Variants in ZDHHC1 observed in about 807,000 individuals in gnomAD.
The protein encoded by ZDHHC1 is zDHHC palmitoyltransferase 1.
Under a neutral mutation model 46.9 loss-of-function variants are expected in ZDHHC1, and 45 were observed. The ratio of observed to expected loss-of-function variants is 0.96; its 90% CI spans 0.76 to 1.23. ZDHHC1 has a LOEUF of 1.23. ZDHHC1 is among the 50% of genes most tolerant of loss of function. ZDHHC1 has a pLI of 0.00. For missense variants in ZDHHC1, 649 were observed against 670.8 expected, an observed-to-expected ratio of 0.97 and a Z score of 0.36; for synonymous variants, 291 against 286.0, an observed-to-expected ratio of 1.02 and a Z score of -0.18.
intron 8 of ZDHHC1, 63 bp from the exon 9 acceptor site, chr16:67,395,629 C>T: frequency 6.7e-7 from 1 of 1,491,170 alleles, no homozygotes; most frequent in Non-Finnish European, 9.1e-7. Context: ...CTGCTGAGCC[C>T]TAAGCCCACG....
In ZDHHC1 at chr16:67,395,426, G is replaced by A. The variant is rs564837985; in HGVS notation, c.1010+58C>T. The A allele has an allele frequency of 5.5e-5, 85 of 1,546,794 alleles. 2 individuals are homozygous for A. In the Middle Eastern group the frequency reaches 1.5e-3, roughly 28 times the overall value. On this transcript the variant is annotated intron_variant, in intron 9 of 11. Transcript: ENST00000565726. ...TTAGCCTACCCCCTTCTCCTGCCTC[G>A]ATGGCCCTGCCATGCTAACTGGAGA...
intron 1 of ZDHHC1, 133 bp downstream of exon 1, chr16:67,416,038 C>T (rs1157606037): frequency 6.6e-6 from 1 of 152,276 alleles, no homozygotes; most frequent in African/African-American, 2.4e-5. Flanking sequence ...AAGCCCCGCG[C>T]TCTGCCGGGG....
At chr16:67,414,223 C>A (rs1206622480) in intron 1 of ZDHHC1, among the ~76,000 whole-genome samples, 2 of 152,100 alleles carry the variant, frequency 1.3e-5, no homozygotes, top group East Asian at 1.9e-4. Context: ...ACCCACCACA[C>A]AAGAGTCATT....
chr16:67,412,234 A>C (rs1451727495), intron 1 of ZDHHC1, among the ~76,000 whole-genome samples: 1 of 152,176 alleles, frequency 6.6e-6, no homozygotes, highest in Non-Finnish European at 1.5e-5. Context: ...AATGAGACCT[A>C]GTGGTCCAAG....
chr16:67,395,076 G>C lies in ZDHHC1; in HGVS notation c.1105-14C>G. The C allele has an allele frequency of 1.2e-6, 2 of 1,613,278 alleles. No individual in the cohort carries two copies. The highest frequency in any genetic ancestry group is 1.7e-6 in the Non-Finnish European group (2 of 1,179,936). Reference sequence around the variant, plus strand: ...CTTCCTCTTTTTCTGCAGAGACACGGGGGAGCCTGAGGGCCCCACATCGCC... The same window carrying C: ...CTTCCTCTTTTTCTGCAGAGACACGCGGGAGCCTGAGGGCCCCACATCGCC... On this transcript the variant is annotated splice_polypyrimidine_tract_variant and intron_variant, in intron 10 of 11. Coordinates refer to ENST00000565726, the MANE Select transcript of ZDHHC1 (RefSeq NM_001323627.2).
In ZDHHC1 at chr16:67,407,801, G is replaced by T; in HGVS notation, c.-26C>A. 1.3e-6 allele frequency: 1 copy of T among 780,688 alleles called. No homozygotes were observed. The highest frequency in any genetic ancestry group is 1.3e-5 in the South Asian group (1 of 74,516). The allele number at this position is 780,688 out of a possible 1,614,324, so 48.4% of individuals were successfully genotyped here. On this transcript the variant is annotated 5_prime_UTR_variant, in exon 2 of 12. Coordinates refer to ENST00000565726, the MANE Select transcript of ZDHHC1 (RefSeq NM_001323627.2). ...AGTAGATCCTCAGTAAATGTTTGCT[G>T]ACTTGAAAACAGCTGAAATAAAAGG...
chr16:67,406,624 G>A lies in ZDHHC1; in HGVS notation c.10-182C>T, dbSNP rs2040666799. 6.6e-6 allele frequency among the ~76,000 whole-genome samples: 1 copy of A among 152,178 alleles called. No homozygotes were observed. Among genetic ancestry groups the A allele is most frequent in the South Asian group, 2.1e-4 (1 of 4,832 alleles). On this transcript the variant is annotated intron_variant, in intron 2 of 11. Coordinates refer to ENST00000565726, the MANE Select transcript of ZDHHC1 (RefSeq NM_001323627.2). This position sits in a 1 kb window ranked among gnomAD's most constrained non-coding sequence, Gnocchi z 4.1. ...GGGGAGAGGGTGGGAGTGGGCTGCT[G>A]TCTCAAAGCCCAAAGCAAACCCTGG...
intron 1 of ZDHHC1, among the ~76,000 whole-genome samples, chr16:67,413,467 G>A (rs1020874898): frequency 2.6e-5 from 4 of 152,210 alleles, no homozygotes; most frequent in East Asian, 1.9e-4. Flanking sequence ...TTCCCCACAG[G>A]TGCCAGAGAA....
chr16:67,397,994 C>T (rs2040464322), intron 8 of ZDHHC1, among the ~76,000 whole-genome samples: 1 of 152,192 alleles, frequency 6.6e-6, no homozygotes, highest in Non-Finnish European at 1.5e-5. Context: ...TGCTTGGCGC[C>T]TGGGCAGGTG....
Position 67,406,211 on chromosome 16 carries a change from C to T in ZDHHC1, c.241G>A (p.Ala81Thr), listed in dbSNP as rs1346591886. ...TTTCCCAAGGATACAGCGTAGCCAGCGGGCACCCAGTGGTGAGGCAGGAGG... is the reference window on the plus strand; with the variant it reads ...TTTCCCAAGGATACAGCGTAGCCAGTGGGCACCCAGTGGTGAGGCAGGAGG... ...VPLLPHHWVPAGYACMGAIFA... is the reference protein window; with the variant it reads ...VPLLPHHWVPTGYACMGAIFA... The change falls in exon 3 of 12, where the codon GCT (alanine) becomes ACT (threonine). Residue 81 changes from alanine to threonine, a missense_variant. Physicochemically the swap from Ala to Thr is moderately conservative, Grantham distance 58 (BLOSUM62 0). Coordinates refer to ENST00000565726, the MANE Select transcript of ZDHHC1 (RefSeq NM_001323627.2). The surrounding 1 kb of genome is among the most constrained non-coding windows in gnomAD (Gnocchi z 4.1). The T allele has an allele frequency of 2.5e-6, 4 of 1,613,666 alleles. No homozygotes were observed. The highest frequency in any genetic ancestry group is 2.7e-5 in the African/African-American group (2 of 75,054).
chr16:67,403,611 TTTTG>T (rs1437510986), intron 3 of ZDHHC1, among the ~76,000 whole-genome samples: 3 of 151,510 alleles, frequency 2.0e-5, no homozygotes, highest in Non-Finnish European at 2.9e-5. Flanking sequence ...TTCTTTTGTT[TTTTG>T]TTTTTTTTTT....
chr16:67,395,258 G>A lies in ZDHHC1; in HGVS notation c.1033C>T (p.Arg345Cys), dbSNP rs776021982. ...NANPSQFLAT[R>C]GQAEPPPPSS... ...GGTGGTGGAGGTTCCGCTTGGCCAC[G>A]GGTGGCAAGAAACTGGGAGGGACTG... Residue 345 changes from arginine (R) to cysteine (C), a missense_variant, in exon 10 of 12, where the codon CGT (arginine) becomes TGT (cysteine). Coordinates refer to ENST00000565726, the MANE Select transcript of ZDHHC1 (RefSeq NM_001323627.2). The A allele has an allele frequency of 1.3e-6, 2 of 1,577,446 alleles. No homozygotes were observed. The highest frequency in any genetic ancestry group is 1.1e-5 in the South Asian group (1 of 87,282).
rs1474724304 is a variant in ZDHHC1 at position 67,395,032 on chromosome 16, G to A, written c.1135C>T (p.Arg379Ter). ...GCCGGATCCGAGGTCTCAGACGTTCGCACTTTATACACGCGCCTCTTCCTC... is the reference window on the plus strand; with the variant it reads ...GCCGGATCCGAGGTCTCAGACGTTCACACTTTATACACGCGCCTCTTCCTC... ...KKRKRRVYKV[R>*]TSETSDPASG... Residue 379 changes from arginine to a stop codon, truncating the protein, a stop_gained, in exon 11 of 12, where the codon CGA becomes TGA. Transcript: ENST00000565726. LOFTEE classifies it low-confidence loss of function (END_TRUNC). 2.5e-6 allele frequency: 4 copies of A among 1,612,642 alleles called. No homozygotes were observed. Among genetic ancestry groups the A allele is most frequent in the Admixed American group, 1.7e-5 (1 of 59,932 alleles).
chr16:67,407,676 G>T (rs1475166798), intron 2 of ZDHHC1, 91 bp downstream of exon 2: 1 of 775,110 alleles, frequency 1.3e-6, no homozygotes, highest in Non-Finnish European at 2.4e-6. Flanking sequence ...CCCTCATTAG[G>T]ACAACTTTCC....
intron 9 of ZDHHC1, 99 bp from the exon 10 acceptor site, chr16:67,395,379 G>A: frequency 6.6e-7 from 1 of 1,517,056 alleles, no homozygotes; most frequent in Admixed American, 2.1e-5. Context: ...GCTCAGAGAA[G>A]GGCCTGACCC....
At chr16:67,414,650 T>C (rs1221030616) in intron 1 of ZDHHC1, among the ~76,000 whole-genome samples, 1 of 152,242 alleles carries the variant, frequency 6.6e-6, no homozygotes, top group Non-Finnish European at 1.5e-5. Flanking sequence ...TAGATCCCTG[T>C]AGTCACTGAT....
At chr16:67,405,133 G>A (rs2040629797) in intron 3 of ZDHHC1, among the ~76,000 whole-genome samples, 1 of 152,228 alleles carries the variant, frequency 6.6e-6, no homozygotes, top group African/African-American at 2.4e-5. Context: ...TGCTGTGTCT[G>A]AGGATGACAA....
At chr16:67,399,506 G>A in intron 4 of ZDHHC1, 50 bp from the exon 5 acceptor site, 1 of 1,520,382 alleles carries the variant, frequency 6.6e-7, no homozygotes, top group Non-Finnish European at 9.0e-7. Context: ...TCCCCGCTCT[G>A]CGGCCCGGCC....
intron 3 of ZDHHC1, chr16:67,404,544 C>T: frequency 2.7e-6 from 1 of 375,404 alleles, no homozygotes; most frequent in African/African-American, 2.1e-5. Flanking sequence ...AGGCATGAAC[C>T]AGGTGGTTCT....
Sources: gnomAD v4.1 joint callset for allele counts (sites outside exome capture counted in the v4.1 genomes callset) on GRCh38, gnomAD v4.1.1 for gene constraint, Gnocchi (gnomAD v3.1) non-coding constraint, MANE v1.5 for transcripts, NCBI Gene and HGNC (gene_info 2026-07-23, HGNC 2026-07-21) for gene names.